The following TIPIN variants were observed in gnomAD, a reference collection of about 807,000 sequenced individuals.
TIPIN encodes TIMELESS-interacting protein.
In TIPIN, 29 loss-of-function variants were observed where a neutral mutation model predicts 35.6. The ratio of observed to expected loss-of-function variants is 0.82; its 90% CI spans 0.61 to 1.11. The LOEUF is 1.11. Ranked by LOEUF, TIPIN falls within the 50% of genes most tolerant of loss-of-function variation. The pLI, the probability that TIPIN is intolerant of heterozygous loss-of-function variation, is 0.00. For missense variants in TIPIN, 296 were observed against 345.4 expected, an observed-to-expected ratio of 0.86 and a Z score of 1.13; for synonymous variants, 102 against 121.5, an observed-to-expected ratio of 0.84 and a Z score of 1.06.
chr15:66,383,612 A>T, intron 1 of TIPIN: 5 of 983,202 alleles, frequency 5.1e-6, no homozygotes, highest in Non-Finnish European at 6.0e-6. Context: ...GATACTAAAA[A>T]TTATGCATGT....
intron 1 of TIPIN, chr15:66,371,069 G>C (rs2140490133): frequency 4.4e-6 from 1 of 228,822 alleles, no homozygotes; most frequent in East Asian, 1.8e-4. Context: ...AAATTAGCCA[G>C]GTGTGGTGGC....
chr15:66,368,163 A>C (rs1054190295), intron 1 of TIPIN, among the ~76,000 whole-genome samples: 1 of 152,016 alleles, frequency 6.6e-6, no homozygotes, highest in African/African-American at 2.4e-5. Context: ...TTATTTCCCT[A>C]AAATAAATTT....
chr15:66,352,924 G>A lies in TIPIN; in HGVS notation c.24C>T (p.Gly8=), dbSNP rs62627275. ...GCTCATAATCTGGTAGGTCAATCAC[G>A]CCATTCTCCTGTGGTTCTAGCATCT... The part of the protein sequence containing the change: MLEPQEN[G]VIDLPDYEHV... Residue 8 remains glycine (G), a synonymous_variant, in exon 2 of 8, where the codon GGC becomes GGT. Transcript: ENST00000261881. The A allele has an allele frequency of 1.9e-6, 3 of 1,613,494 alleles. No individual in the cohort carries two copies. The highest frequency in any genetic ancestry group is 1.1e-5 in the South Asian group (1 of 91,030).
chr15:66,353,916 C>T (rs925029395), intron 1 of TIPIN, among the ~76,000 whole-genome samples: 4 of 151,846 alleles, frequency 2.6e-5, no homozygotes, highest in Admixed American at 6.6e-5. Flanking sequence ...GTCAGGAGTT[C>T]GAGACCAGCC....
chr15:66,351,212 A>G (rs1247814826), intron 4 of TIPIN, among the ~76,000 whole-genome samples: 2 of 152,216 alleles, frequency 1.3e-5, no homozygotes, highest in African/African-American at 4.8e-5. Context: ...CCTTGCCCTC[A>G]TGAAATTTAA....
upstream of TIPIN, among the ~76,000 whole-genome samples, chr15:66,361,615 A>G (rs1396325464): frequency 1.3e-5 from 2 of 151,878 alleles, no homozygotes; most frequent in East Asian, 3.9e-4. Context: ...TTCTTTTCAT[A>G]CATGAGGAAT....
chr15:66,361,119 C>T (rs1164738300), upstream of TIPIN, among the ~76,000 whole-genome samples: 16 of 148,464 alleles, frequency 1.1e-4, no homozygotes, highest in Non-Finnish European at 2.1e-4. Context: ...GGCAACAGAG[C>T]GAGACTTTGT....
intron 1 of TIPIN, chr15:66,379,723 T>C (rs1595823192): frequency 1.9e-6 from 3 of 1,609,230 alleles, no homozygotes; most frequent in Non-Finnish European, 2.5e-6. Flanking sequence ...GCCAGTTCTT[T>C]TCTGTTACCC....
chr15:66,382,021 C>CA (rs1392096750), intron 1 of TIPIN, among the ~76,000 whole-genome samples: 4 of 151,954 alleles, frequency 2.6e-5, no homozygotes, highest in Non-Finnish European at 4.4e-5. Context: ...GCCGAGATTG[C>CA]ACCACTGCAC....
At chr15:66,373,806 G>A (rs2093286203) in intron 1 of TIPIN, among the ~76,000 whole-genome samples, 1 of 152,098 alleles carries the variant, frequency 6.6e-6, no homozygotes, top group South Asian at 2.1e-4. Flanking sequence ...GGGTGCAACT[G>A]ATCCTCTTAC....
chr15:66,361,562 T>TTA (rs1555409561), upstream of TIPIN, among the ~76,000 whole-genome samples: 3 of 133,788 alleles, frequency 2.2e-5, no homozygotes, highest in South Asian at 2.4e-4. Flanking sequence ...ACCTGTAATT[T>TTA]AAAAAAAAAA....
At chr15:66,378,741 A>G (rs1383067426) in intron 1 of TIPIN, among the ~76,000 whole-genome samples, 2 of 130,050 alleles carry the variant, frequency 1.5e-5, no homozygotes, top group Non-Finnish European at 3.5e-5. Flanking sequence ...CTTTTCTTCC[A>G]TATTTTTTTT....
At chr15:66,379,726 T>C in intron 1 of TIPIN, 1 of 1,609,078 alleles carries the variant, frequency 6.2e-7, no homozygotes, top group Non-Finnish European at 8.5e-7. Context: ...AGTTCTTTTC[T>C]GTTACCCCAC....
At chr15:66,356,387 A>T (rs1340932740) in intron 1 of TIPIN, among the ~76,000 whole-genome samples, 1 of 152,198 alleles carries the variant, frequency 6.6e-6, no homozygotes, top group African/African-American at 2.4e-5. Context: ...ATGATCAGGA[A>T]CACGTTCCCT....
intron 1 of TIPIN, among the ~76,000 whole-genome samples, chr15:66,370,234 C>A (rs1413747104): frequency 1.3e-5 from 2 of 152,130 alleles, no homozygotes; most frequent in Admixed American, 6.6e-5. Context: ...CAAGCCAGAA[C>A]GAGGTCCCTA....
At position 66,374,874 on chromosome 15, in the gene TIPIN, G is replaced by A. The variant is rs572979618; in HGVS notation, c.-9+11733C>T. 4.6e-5 allele frequency among the ~76,000 whole-genome samples: 7 copies of A among 152,072 alleles called. No individual in the cohort carries two copies. In the East Asian group the frequency reaches 5.8e-4, roughly 13 times the overall value. On this transcript the variant is annotated intron_variant, in intron 1 of 7. Coordinates refer to the TIPIN transcript ENST00000562124. ...TGGGATTACAGGTGTGAGCCACTGC[G>A]CCTGGCCAACTTTTTTGTAGAGACA...
At chr15:66,378,593 A>T (rs1276018254) in intron 1 of TIPIN, among the ~76,000 whole-genome samples, 1 of 151,788 alleles carries the variant, frequency 6.6e-6, no homozygotes, top group Non-Finnish European at 1.5e-5. Context: ...AATTTTATTA[A>T]TCTTTGCCTT....
chr15:66,371,044 C>G (rs902437176), intron 1 of TIPIN: 1 of 184,204 alleles, frequency 5.4e-6, no homozygotes, highest in Non-Finnish European at 1.0e-5. Flanking sequence ...AACCTCGTCT[C>G]TACTAAAAAT....
At chr15:66,376,498 G>A (rs903282451) in intron 1 of TIPIN, among the ~76,000 whole-genome samples, 1 of 151,390 alleles carries the variant, frequency 6.6e-6, no homozygotes, top group Admixed American at 6.6e-5. Context: ...ATGTGGTCTC[G>A]GCTCACCGCA....
Sources: gnomAD v4.1 joint callset for allele counts (sites outside exome capture counted in the v4.1 genomes callset) on GRCh38, gnomAD v4.1.1 for gene constraint, MANE v1.5 for transcripts, NCBI Gene and HGNC (gene_info 2026-07-23, HGNC 2026-07-21) for gene names.